The following NBEA variants were observed in gnomAD, a reference collection of about 807,000 sequenced individuals.
NBEA encodes the protein neurobeachin, also known as lysosomal-trafficking regulator 2.
NBEA carries 44 observed loss-of-function variants against 343.4 expected under a neutral mutation model. The ratio of observed to expected loss-of-function variants is 0.13; its 90% CI spans 0.10 to 0.16. The LOEUF is 0.16. Ranked by LOEUF, NBEA falls within the 10% of genes least tolerant of loss-of-function variation. NBEA has a pLI of 1.00. For synonymous variants in NBEA, 1,175 were observed against 1,238.7 expected, an observed-to-expected ratio of 0.95 and a Z score of 1.08; for missense variants, 2,555 against 3,631.3, an observed-to-expected ratio of 0.70 and a Z score of 7.62.
intron 44 of NBEA, among the ~76,000 whole-genome samples, chr13:35,565,116 C>A (rs1396575271): frequency 6.6e-6 from 1 of 152,194 alleles, no homozygotes; most frequent in Non-Finnish European, 1.5e-5. Context: ...AAGCCCTAAC[C>A]TAGCTGTAAC....
At chr13:35,285,799 A>C (rs2035383757) in intron 34 of NBEA, among the ~76,000 whole-genome samples, 1 of 152,096 alleles carries the variant, frequency 6.6e-6, no homozygotes, top group Non-Finnish European at 1.5e-5. Context: ...AAAATCCTGT[A>C]GTGGCTCCCT....
intron 6 of NBEA, among the ~76,000 whole-genome samples, chr13:35,054,345 C>T (rs183622394): frequency 9.5e-4 from 144 of 151,988 alleles, no homozygotes; most frequent in African/African-American, 3.1e-3. Context: ...ACTCTTTTTA[C>T]GGTTTTTTCT....
intron 55 of NBEA, among the ~76,000 whole-genome samples, chr13:35,660,761 G>A (rs201018612): frequency 6.6e-6 from 1 of 152,158 alleles, no homozygotes; most frequent in African/African-American, 2.4e-5. Context: ...AAGCATGGCC[G>A]ATGGATAGCC....
chr13:35,221,428 A>G (rs1181733340), intron 33 of NBEA, among the ~76,000 whole-genome samples: 4 of 151,792 alleles, frequency 2.6e-5, no homozygotes, highest in South Asian at 2.1e-4. Context: ...CTTGAATGTA[A>G]ATATAGTTAC....
At chr13:35,137,457 A>T (rs889320993) in intron 17 of NBEA, among the ~76,000 whole-genome samples, 1 of 152,138 alleles carries the variant, frequency 6.6e-6, no homozygotes, top group African/African-American at 2.4e-5. Flanking sequence ...CTCCAAAAAA[A>T]AAAAAAGCCC....
chr13:35,378,865 C>A (rs1442499988), intron 38 of NBEA, among the ~76,000 whole-genome samples: 1 of 151,918 alleles, frequency 6.6e-6, no homozygotes, highest in Non-Finnish European at 1.5e-5. Context: ...ATTTTGTTTA[C>A]CCTTACATTT....
intron 45 of NBEA, among the ~76,000 whole-genome samples, chr13:35,571,550 G>C (rs1438768796): frequency 3.3e-5 from 5 of 152,296 alleles, no homozygotes; most frequent in South Asian, 4.1e-4. Context: ...ACACCGTAAA[G>C]TAGTTAAGGC....
At chr13:35,275,966 G>C (rs112958748) in intron 34 of NBEA, among the ~76,000 whole-genome samples, 1 of 152,040 alleles carries the variant, frequency 6.6e-6, no homozygotes, top group South Asian at 2.1e-4. Flanking sequence ...AAACCTGCAC[G>C]TTGTGTACCT....
At chr13:35,438,685 T>TA (rs1283883921) in intron 39 of NBEA, among the ~76,000 whole-genome samples, 1 of 152,212 alleles carries the variant, frequency 6.6e-6, no homozygotes. Flanking sequence ...GTTAATGATG[T>TA]AAATTTTTAG....
chr13:35,512,807 C>T (rs1257038588), intron 41 of NBEA, among the ~76,000 whole-genome samples: 1 of 152,186 alleles, frequency 6.6e-6, no homozygotes, highest in Non-Finnish European at 1.5e-5. Context: ...GTTGATTCAG[C>T]CTAGAGGAGG....
intron 7 of NBEA, among the ~76,000 whole-genome samples, chr13:35,057,797 G>A (rs1566220629): frequency 6.6e-6 from 1 of 152,054 alleles, no homozygotes; most frequent in Admixed American, 6.6e-5. Flanking sequence ...GCCCTAAGAA[G>A]TGGAGAATTC....
rs575915193 is a variant in NBEA, at chr13:35,613,256, T to A, written c.7449+6678T>A. On this transcript the variant is annotated intron_variant, in intron 48 of 58. Transcript: ENST00000379939. ...CCATTCTACTCACTACTTCTATGAG[T>A]TTGACTTTTTTAGATTCCATACATA... Among the ~76,000 whole-genome samples, 14 of 150,780 alleles carry A rather than the reference T, an allele frequency of 9.3e-5. No individual in the cohort carries two copies. In the South Asian group the frequency reaches 2.7e-3, roughly 29 times the overall value.
At chr13:35,169,737 C>T (rs1045000955) in intron 25 of NBEA, among the ~76,000 whole-genome samples, 3 of 151,620 alleles carry the variant, frequency 2.0e-5, no homozygotes, top group Admixed American at 2.0e-4. Context: ...CTTTATAGAA[C>T]ATTTTAAATT....
chr13:35,408,907 T>G (rs917735690), intron 38 of NBEA, among the ~76,000 whole-genome samples: 3 of 151,984 alleles, frequency 2.0e-5, no homozygotes, highest in Non-Finnish European at 2.9e-5. Flanking sequence ...GGAGTGTAAG[T>G]CAGTTCAACC....
At position 35,649,339 on chromosome 13, in the gene NBEA, C is replaced by T. The variant is rs766966943; in HGVS notation, c.7771-316C>T. On this transcript the variant is annotated intron_variant, in intron 51 of 58. Coordinates refer to ENST00000379939, the MANE Select transcript of NBEA (RefSeq NM_001385012.1). The stretch of plus-strand genomic sequence containing the variant: ...TAAGCTGCATTGCATAACTGTGTTA[C>T]GTCATGTGGGTGTGTCTATGAGCTA... 3.1e-4 allele frequency among the ~76,000 whole-genome samples: 47 copies of T among 152,260 alleles called. No homozygotes were observed. In the Middle Eastern group the frequency reaches 0.014, roughly 44 times the overall value.
At chr13:35,020,008 GT>G (rs2061781798) in intron 1 of NBEA, among the ~76,000 whole-genome samples, 1 of 151,766 alleles carries the variant, frequency 6.6e-6, no homozygotes, top group Admixed American at 6.6e-5. Flanking sequence ...TTGTATCTTT[GT>G]TTTTTTCCCT....
At chr13:35,402,680 T>A (rs962837865) in intron 38 of NBEA, among the ~76,000 whole-genome samples, 6 of 152,144 alleles carry the variant, frequency 3.9e-5, no homozygotes, top group Non-Finnish European at 7.4e-5. Flanking sequence ...TTTAATTAGT[T>A]TAAAAGCAGA....
intron 41 of NBEA, chr13:35,477,172 A>G (rs557387787): frequency 2.4e-5 from 4 of 166,868 alleles, no homozygotes; most frequent in African/African-American, 9.6e-5. Context: ...GACTACTGGC[A>G]TATGGAAGTT....
intron 35 of NBEA, among the ~76,000 whole-genome samples, chr13:35,304,838 A>G (rs988522403): frequency 1.3e-5 from 2 of 152,188 alleles, no homozygotes; most frequent in African/African-American, 4.8e-5. Flanking sequence ...ACTGAGATCC[A>G]CTGGTCGAAA....
Sources: allele counts gnomAD v4.1 joint callset (sites outside exome capture counted in the v4.1 genomes callset), GRCh38; gene constraint gnomAD v4.1.1; transcripts MANE v1.5; gene names NCBI Gene and HGNC (gene_info 2026-07-23, HGNC 2026-07-21).